The following KAZN variants were observed in gnomAD, a reference collection of about 807,000 sequenced individuals.
The protein encoded by KAZN is kazrin, periplakin interacting protein, also known as kazrin.
Under a neutral mutation model 87.4 loss-of-function variants are expected in KAZN, and 40 were observed. The ratio of observed to expected loss-of-function variants is 0.46; its 90% CI spans 0.36 to 0.60. KAZN has a LOEUF of 0.60. KAZN is among the 20% of genes least tolerant of loss of function. KAZN has a pLI of 0.00. For missense variants in KAZN, 898 were observed against 1,073.9 expected (o/e 0.84, Z 2.29); for synonymous variants, 466 against 458.3 (o/e 1.02, Z -0.22).
At chr1:13,978,300 G>A (rs897829117) in intron 1 of KAZN, among the ~76,000 whole-genome samples, 1 of 151,982 alleles carries the variant, frequency 6.6e-6, no homozygotes, top group African/African-American at 2.4e-5. Flanking sequence ...ACCATGTCTG[G>A]CATTTAAGAA....
intron 2 of KAZN, among the ~76,000 whole-genome samples, chr1:14,497,363 A>G (rs1431625361): frequency 1.0e-5 from 1 of 98,172 alleles, no homozygotes; most frequent in African/African-American, 3.9e-5. Flanking sequence ...AAAAAAAAAA[A>G]GATCTTTTTT....
intron 2 of KAZN, among the ~76,000 whole-genome samples, chr1:15,033,689 C>T (rs574796368): frequency 2.6e-5 from 4 of 152,104 alleles, no homozygotes; most frequent in Non-Finnish European, 5.9e-5. Flanking sequence ...TTTTTCATGT[C>T]CCTATTGGCC....
chr1:14,332,555 G>A (rs1313819088), intron 2 of KAZN, among the ~76,000 whole-genome samples: 5 of 152,134 alleles, frequency 3.3e-5, no homozygotes, highest in Non-Finnish European at 7.4e-5. Flanking sequence ...TTATGGAGTT[G>A]TTTTATTTTT....
At chr1:14,706,650 G>A (rs548206937) in intron 1 of KAZN, among the ~76,000 whole-genome samples, 66 of 152,242 alleles carry the variant, frequency 4.3e-4, no homozygotes, top group Middle Eastern at 3.4e-3. Flanking sequence ...TTTAAAAGAC[G>A]TTACTTCAAA....
chr1:14,999,501 T>TC (rs1049861453), intron 2 of KAZN, among the ~76,000 whole-genome samples: 23 of 74,668 alleles, frequency 3.1e-4, no homozygotes, highest in African/African-American at 1.4e-3. Context: ...CCTGCCCCCC[T>TC]CCCCCCGCCC....
chr1:14,887,012 T>TC (rs893992330), intron 1 of KAZN, among the ~76,000 whole-genome samples: 5 of 152,046 alleles, frequency 3.3e-5, no homozygotes, highest in Admixed American at 1.3e-4. Flanking sequence ...AAGTGATCCA[T>TC]CCCCCCACCT....
intron 1 of KAZN, among the ~76,000 whole-genome samples, chr1:14,928,424 G>C (rs1659413959): frequency 6.6e-6 from 1 of 151,234 alleles, no homozygotes; most frequent in African/African-American, 2.4e-5. Flanking sequence ...ACTCCAGCCT[G>C]GGCGACAGAG....
At chr1:14,965,373 G>A (rs1024706834) in intron 2 of KAZN, among the ~76,000 whole-genome samples, 12 of 152,134 alleles carry the variant, frequency 7.9e-5, no homozygotes, top group African/African-American at 2.9e-4. Flanking sequence ...CAGCACATGT[G>A]GTAAGCGTGT....
At chr1:14,186,106 G>C (rs1646301289) in intron 2 of KAZN, among the ~76,000 whole-genome samples, 1 of 152,088 alleles carries the variant, frequency 6.6e-6, no homozygotes, top group South Asian at 2.1e-4. Flanking sequence ...GGACAATTTG[G>C]GAATTTGTTG....
intron 2 of KAZN, among the ~76,000 whole-genome samples, chr1:14,977,136 G>T (rs190643231): frequency 6.6e-6 from 1 of 152,342 alleles, no homozygotes; most frequent in East Asian, 1.9e-4. Context: ...GAGTCCTCGG[G>T]GCGGTGATTC....
intron 1 of KAZN, among the ~76,000 whole-genome samples, chr1:14,900,218 C>T (rs1655709879): frequency 6.6e-6 from 1 of 152,188 alleles, no homozygotes; most frequent in Non-Finnish European, 1.5e-5. Flanking sequence ...CTGATTCCCG[C>T]TCAGAACTAC....
chr1:13,983,119 G>C (rs1324620178), intron 1 of KAZN, among the ~76,000 whole-genome samples: 2 of 152,268 alleles, frequency 1.3e-5, no homozygotes, highest in Non-Finnish European at 2.9e-5. Flanking sequence ...ATCTCGCACG[G>C]GGGCTGCAGG....
rs1465036647 is a variant in KAZN at position 15,089,091 on chromosome 1, TCTC to T, written c.1223-5083_1223-5081del. ...CTCTGACCTCGACTCCCTCTCTCCCTCTCCTCCTTTCAATTTACTTTCGCATCT... is the reference window on the plus strand; with the variant it reads ...CTCTGACCTCGACTCCCTCTCTCCCTCTCCTTTCAATTTACTTTCGCATCT... On this transcript the variant is annotated intron_variant, in intron 8 of 14. Coordinates refer to ENST00000376030, the MANE Select transcript of KAZN (RefSeq NM_201628.3). Among the ~76,000 whole-genome samples, 4 of 152,036 alleles carry T rather than the reference TCTC, an allele frequency of 2.6e-5. No individual in the cohort carries two copies. In the East Asian group the frequency reaches 5.8e-4, roughly 22 times the overall value.
At chr1:14,750,714 A>C (rs1644392365) in intron 1 of KAZN, among the ~76,000 whole-genome samples, 1 of 152,220 alleles carries the variant, frequency 6.6e-6, no homozygotes, top group African/African-American at 2.4e-5. Flanking sequence ...GCATGGAAGC[A>C]AACCTCTAAA....
chr1:14,116,812 G>A lies in KAZN; in HGVS notation c.92-63623G>A, dbSNP rs1471173131. On this transcript the variant is annotated intron_variant, in intron 1 of 16. Coordinates refer to the KAZN transcript ENST00000636203. The stretch of plus-strand genomic sequence containing the variant: ...GGCTGTACCCTGCAAAGCAACAGGG[G>A]TGGAGCTGCCCAAGACCATAAGAAC... 1.3e-5 allele frequency among the ~76,000 whole-genome samples: 2 copies of A among 152,236 alleles called. 1 individual carries two copies. Among genetic ancestry groups the A allele is most frequent in the South Asian group, 4.1e-4 (2 of 4,834 alleles).
chr1:14,761,289 C>A (rs1388209709), intron 1 of KAZN, among the ~76,000 whole-genome samples: 4 of 152,326 alleles, frequency 2.6e-5, no homozygotes, highest in East Asian at 3.9e-4. Flanking sequence ...ATGCCAAATC[C>A]TGCCTCTTCA....
intron 1 of KAZN, among the ~76,000 whole-genome samples, chr1:14,876,211 G>C (rs1652750965): frequency 1.3e-5 from 2 of 152,198 alleles, no homozygotes; most frequent in Admixed American, 1.3e-4. Flanking sequence ...AGTGTTATCA[G>C]TTCCCTGTCC....
At chr1:14,313,819 A>G (rs1655465177) in intron 2 of KAZN, among the ~76,000 whole-genome samples, 1 of 152,178 alleles carries the variant, frequency 6.6e-6, no homozygotes, top group Admixed American at 6.6e-5. Context: ...AAAATCGGCC[A>G]CATGGGATAG....
At chr1:14,295,664 A>C (rs1233713462) in intron 2 of KAZN, among the ~76,000 whole-genome samples, 2 of 152,166 alleles carry the variant, frequency 1.3e-5, no homozygotes, top group Non-Finnish European at 1.5e-5. Context: ...AGGGAAAGAC[A>C]CACAAACCCA....
Sources: allele counts gnomAD v4.1 joint callset (sites outside exome capture counted in the v4.1 genomes callset), GRCh38; gene constraint gnomAD v4.1.1; transcripts MANE v1.5; gene names NCBI Gene and HGNC (gene_info 2026-07-23, HGNC 2026-07-21).